PTCH1: variants seen among roughly 807,000 people sequenced by gnomAD.
PTCH1 encodes patched 1.
Under a neutral mutation model 144.6 loss-of-function variants are expected in PTCH1, and 14 were observed. That is an observed-to-expected ratio of 0.10 (90% confidence interval 0.06 to 0.15). The LOEUF is 0.15. Among genes scored for constraint, PTCH1 ranks in the 10% least tolerant of loss-of-function variants. The pLI, the probability that PTCH1 is intolerant of heterozygous loss-of-function variation, is 1.00. For synonymous variants in PTCH1, 833 were observed against 793.6 expected (o/e 1.05, Z -0.83); for missense variants, 1,623 against 1,948.3 (o/e 0.83, Z 3.14).
intron 16 of PTCH1, 87 bp downstream of exon 16, chr9:95,461,769 G>T: frequency 6.4e-7 from 1 of 1,567,204 alleles, no homozygotes; most frequent in East Asian, 2.3e-5. Flanking sequence ...AGAGCACAGG[G>T]TGGGGTCACA....
chr9:95,456,195 A>C, intron 19 of PTCH1, 81 bp downstream of exon 19: 1 of 1,593,000 alleles, frequency 6.3e-7, no homozygotes, highest in African/African-American at 1.3e-5. Context: ...GGAGAATGCA[A>C]GGTTCCCACT....
chr9:95,450,231 A>G (rs2136610674), intron 20 of PTCH1: 1 of 448,116 alleles, frequency 2.2e-6, no homozygotes, highest in African/African-American at 2.0e-5. Flanking sequence ...ATGTAATGTT[A>G]TTTATGAATG....
In PTCH1 at chr9:95,476,180, C is replaced by A. The variant is rs201634256; in HGVS notation, c.1603-21G>T. The A allele has an allele frequency of 1.5e-5, 24 of 1,605,556 alleles. No individual in the cohort carries two copies. The South Asian group carries it at 2.1e-4, about 14-fold the overall frequency. On this transcript the variant is annotated intron_variant, in intron 11 of 23. Coordinates refer to ENST00000331920, the MANE Select transcript of PTCH1 (RefSeq NM_000264.5). This position sits in a 1 kb window ranked among gnomAD's most constrained non-coding sequence, Gnocchi z 4.6. ...CTGTCCTGGGAATAAAAAAACACAGCGCTGAGAGCTGCACTGGACATGGTC... is the reference window on the plus strand; with the variant it reads ...CTGTCCTGGGAATAAAAAAACACAGAGCTGAGAGCTGCACTGGACATGGTC...
At chr9:95,491,825 C>A (rs1295752505) in intron 2 of PTCH1, among the ~76,000 whole-genome samples, 2 of 152,206 alleles carry the variant, frequency 1.3e-5, no homozygotes, top group Non-Finnish European at 2.9e-5. Context: ...CCACATCTGA[C>A]CTCATGTAAT....
Position 95,469,165 on chromosome 9 carries a change from G to A in PTCH1, c.1848-12C>T, listed in dbSNP as rs1235985632. On this transcript the variant is annotated splice_polypyrimidine_tract_variant and intron_variant, in intron 13 of 23. Coordinates refer to ENST00000331920, the MANE Select transcript of PTCH1 (RefSeq NM_000264.5). ...TGCTGACGCAGGGGCTGAAAGGAGG[G>A]GAAACATGTTGCAATGTTATGCTGA... 5 of 1,613,902 alleles carry A rather than the reference G, an allele frequency of 3.1e-6. No homozygotes were observed. The highest frequency in any genetic ancestry group is 4.2e-6 in the Non-Finnish European group (5 of 1,180,036).
intron 2 of PTCH1, among the ~76,000 whole-genome samples, chr9:95,496,590 A>G (rs1842807253): frequency 6.6e-6 from 1 of 152,084 alleles, no homozygotes; most frequent in East Asian, 1.9e-4. Context: ...ATCTCTAGAA[A>G]GAGCAGTTAA....
At chr9:95,494,664 G>C (rs997697245) in intron 2 of PTCH1, among the ~76,000 whole-genome samples, 1 of 152,144 alleles carries the variant, frequency 6.6e-6, no homozygotes, top group Admixed American at 6.5e-5. Context: ...GATGACGAGC[G>C]CGCGCTGGCT....
At chr9:95,474,248 G>A (rs1190079232) in intron 12 of PTCH1, 1 of 318,848 alleles carries the variant, frequency 3.1e-6, no homozygotes, top group Non-Finnish European at 6.3e-6. Flanking sequence ...GAAGGGGAGA[G>A]GAGAGAGAAT....
rs2136686447 is a variant in PTCH1, at chr9:95,461,851, A to G, written c.2703+5T>C. ...AGCGCCCTCAGTGCCCAGCAGCTGG[A>G]GTACCTGGCTGATGTCGATGGGCTT... On this transcript the variant is annotated splice_donor_5th_base_variant and intron_variant, in intron 16 of 23. Transcript: ENST00000331920. The G allele has an allele frequency of 6.2e-7, 1 of 1,614,136 alleles. No homozygotes were observed. The highest frequency in any genetic ancestry group is 8.5e-7 in the Non-Finnish European group (1 of 1,180,024).
intron 19 of PTCH1, among the ~76,000 whole-genome samples, chr9:95,455,395 T>C (rs1167877864): frequency 6.6e-6 from 1 of 152,254 alleles, no homozygotes; most frequent in African/African-American, 2.4e-5. Context: ...AGCCCAGTGC[T>C]GGCTTCCTAG....
intron 19 of PTCH1, among the ~76,000 whole-genome samples, chr9:95,455,647 GA>G (rs1212800097): frequency 5.3e-5 from 8 of 152,090 alleles, no homozygotes; most frequent in Non-Finnish European, 1.0e-4. Context: ...AAAAGAGAGG[GA>G]AAAAAATGTC....
At chr9:95,456,160 G>C in intron 19 of PTCH1, 116 bp downstream of exon 19, 1 of 1,498,800 alleles carries the variant, frequency 6.7e-7, no homozygotes, top group East Asian at 2.3e-5. Flanking sequence ...CCTGTGCCCT[G>C]AGGCCTTTTC....
In PTCH1 at chr9:95,508,566, G is replaced by T; in HGVS notation, c.-205C>A. Reference sequence around the variant, plus strand: ...GGCGGGCGCTGCTGCCGCTGCGGCCGCGGCCGCTGCCGGGGAGTCAGACCC... The same window carrying T: ...GGCGGGCGCTGCTGCCGCTGCGGCCTCGGCCGCTGCCGGGGAGTCAGACCC... On this transcript the variant is annotated 5_prime_UTR_variant, in exon 1 of 24. Coordinates refer to ENST00000331920, the MANE Select transcript of PTCH1 (RefSeq NM_000264.5). The T allele has an allele frequency of 1.0e-6, 1 of 1,002,998 alleles. No homozygotes were observed. The highest frequency in any genetic ancestry group is 1.2e-6 in the Non-Finnish European group (1 of 841,550). 62.1% of individuals were successfully genotyped at this position (1,002,998 alleles called of 1,614,324 possible).
At chr9:95,472,640 C>T (rs1028362282) in intron 12 of PTCH1, among the ~76,000 whole-genome samples, 2 of 152,164 alleles carry the variant, frequency 1.3e-5, no homozygotes, top group African/African-American at 2.4e-5. Flanking sequence ...GGGAGCCCCA[C>T]GGGCACAGGC....
chr9:95,485,969 G>A, intron 2 of PTCH1, 95 bp from the exon 3 acceptor site: 1 of 1,362,456 alleles, frequency 7.3e-7, no homozygotes, highest in Non-Finnish European at 1.0e-6. Flanking sequence ...ATACACAATA[G>A]ATGAACTCTA....
intron 1 of PTCH1, chr9:95,507,198 T>G (rs948296763): frequency 1.0e-6 from 1 of 985,538 alleles, no homozygotes; most frequent in Non-Finnish European, 1.2e-6. Flanking sequence ...GTGAGCTGAA[T>G]TAGGAAGTGG....
chr9:95,467,170 C>T lies in PTCH1; in HGVS notation c.2506G>A (p.Glu836Lys), dbSNP rs78708791. 155 of 1,614,268 alleles carry T rather than the reference C, an allele frequency of 9.6e-5. No homozygotes were observed. The highest frequency in any genetic ancestry group is 1.3e-4 in the Non-Finnish European group (148 of 1,180,054). ...FSNVKYVMLE[E>K]NKQLPKMWLH... ...CACATTTTGGGAAGCTGTTTGTTTT[C>T]TTCCAACATGACATACTTCACGTTA... Residue 836 changes from glutamate (E) to lysine (K), a missense_variant, in exon 15 of 24, where the codon GAA (glutamate) becomes AAA (lysine). By Grantham distance (56) the Glu-to-Lys change is moderately conservative. Coordinates refer to ENST00000331920, the MANE Select transcript of PTCH1 (RefSeq NM_000264.5).
At chr9:95,497,421 T>A (rs10512248) in intron 2 of PTCH1, among the ~76,000 whole-genome samples, 2 of 152,026 alleles carry the variant, frequency 1.3e-5, no homozygotes, top group African/African-American at 4.8e-5. Flanking sequence ...AGCCATTTAC[T>A]TCAGAACATA....
In PTCH1 at chr9:95,508,568, G is replaced by GGCCGCT. The variant is rs998997247; in HGVS notation, c.-213_-208dup. On this transcript the variant is annotated 5_prime_UTR_variant, in exon 1 of 24. Transcript: ENST00000331920. ...CGGGCGCTGCTGCCGCTGCGGCCGC[G>GGCCGCT]GCCGCTGCCGGGGAGTCAGACCCTG... 7 of 1,001,980 alleles carry GGCCGCT rather than the reference G, an allele frequency of 7.0e-6. No homozygotes were observed. The highest frequency in any genetic ancestry group is 8.3e-6 in the Non-Finnish European group (7 of 841,068). The allele number at this position is 1,001,980 out of a possible 1,614,324, so 62.1% of individuals were successfully genotyped here.
Sources: allele counts gnomAD v4.1 joint callset (sites outside exome capture counted in the v4.1 genomes callset), GRCh38; gene constraint gnomAD v4.1.1; non-coding constraint Gnocchi (gnomAD v3.1); transcripts MANE v1.5; gene names NCBI Gene and HGNC (gene_info 2026-07-23, HGNC 2026-07-21).